TTC6: variants seen among roughly 807,000 people sequenced by gnomAD.
TTC6 encodes the protein tetratricopeptide repeat domain 6.
In TTC6, 172 loss-of-function variants were observed where a neutral mutation model predicts 210.4. The ratio of observed to expected loss-of-function variants is 0.82; its 90% CI spans 0.72 to 0.93. The LOEUF (loss-of-function observed/expected upper bound fraction) is 0.93, where lower values mean the gene tolerates loss of function less well. Among genes scored for constraint, TTC6 ranks in the 40% least tolerant of loss-of-function variants. The pLI is 0.00. For missense variants in TTC6, 2,414 were observed against 2,318.1 expected (o/e 1.04, Z -0.85); for synonymous variants, 804 against 819.6 (o/e 0.98, Z 0.32).
At chr14:37,807,278 C>A (rs779494343) in intron 22 of TTC6, 42 bp from the exon 25 acceptor site, 1 of 1,424,480 alleles carries the variant, frequency 7.0e-7, no homozygotes. Context: ...GGTGCTTTTA[C>A]TAAAGCATCC....
intron 14 of TTC6, among the ~76,000 whole-genome samples, chr14:37,754,866 A>G (rs992928529): frequency 2.0e-5 from 3 of 152,164 alleles, no homozygotes; most frequent in Non-Finnish European, 2.9e-5. Flanking sequence ...TGCAGTAAAC[A>G]TATGTGTGCA....
At chr14:37,684,540 A>T (rs2138573141) in intron 3 of TTC6, among the ~76,000 whole-genome samples, 1 of 152,298 alleles carries the variant, frequency 6.6e-6, no homozygotes. Context: ...AAGACTCTAA[A>T]TTGAAATGAG....
At chr14:37,606,547 C>T (rs1209607293) in intron 1 of TTC6, 116 bp from the exon 2 acceptor site, 1 of 163,500 alleles carries the variant, frequency 6.1e-6, no homozygotes, top group Admixed American at 6.5e-5. Context: ...CCTCCTTTTC[C>T]CCCGTTGCCC....
At chr14:37,777,770 GTTTTTT>G (rs71127243) in intron 14 of TTC6, among the ~76,000 whole-genome samples, 3 of 136,430 alleles carry the variant, frequency 2.2e-5, no homozygotes, top group Non-Finnish European at 3.1e-5. Flanking sequence ...CTTCGTGTAG[GTTTTTT>G]TTTTTTTTTT....
intron 1 of TTC6, among the ~76,000 whole-genome samples, chr14:37,601,920 C>G (rs1220275158): frequency 6.6e-6 from 1 of 152,254 alleles, no homozygotes; most frequent in Non-Finnish European, 1.5e-5. Flanking sequence ...CACGAATTTT[C>G]TGTCAGGCAA....
intron 2 of TTC6, among the ~76,000 whole-genome samples, chr14:37,614,126 C>A (rs2095638895): frequency 6.6e-6 from 1 of 152,174 alleles, no homozygotes; most frequent in South Asian, 2.1e-4. Flanking sequence ...AGCTACACCC[C>A]ACACATTCTG....
chr14:37,827,673 G>A (rs772598542), intron 29 of TTC6: 7 of 220,352 alleles, frequency 3.2e-5, no homozygotes, highest in Non-Finnish European at 5.3e-5. Context: ...TATTTAAAAT[G>A]TACGATTTGA....
At chr14:37,821,938 G>A (rs1031285799) in intron 26 of TTC6, among the ~76,000 whole-genome samples, 1 of 151,694 alleles carries the variant, frequency 6.6e-6, no homozygotes, top group African/African-American at 2.4e-5. Context: ...CTGCCACCAC[G>A]CTTTGCTAAT....
intron 1 of TTC6, among the ~76,000 whole-genome samples, chr14:37,647,095 T>C (rs1456647391): frequency 6.6e-6 from 1 of 152,188 alleles, no homozygotes; most frequent in Non-Finnish European, 1.5e-5. Flanking sequence ...TCTCACCCAC[T>C]GGCCAGAAAT....
At position 37,598,352 on chromosome 14, in the gene TTC6, G is replaced by A. The variant is rs1243202451; in HGVS notation, c.-235+2344G>A. Among the ~76,000 whole-genome samples, 1 of 152,164 alleles carries A rather than the reference G, an allele frequency of 6.6e-6. No homozygotes were observed. Among genetic ancestry groups the A allele is most frequent in the Non-Finnish European group, 1.5e-5 (1 of 68,026 alleles). On this transcript the variant is annotated intron_variant, in intron 1 of 2. Transcript: ENST00000556845. The surrounding 1 kb of genome is among the most constrained non-coding windows in gnomAD (Gnocchi z 4.9). ...GACAGCTTGGGGCGGTCCAGGTCGCGGGGAGGGCGGGCTCCTCAAGTGGGG... is the reference window on the plus strand; with the variant it reads ...GACAGCTTGGGGCGGTCCAGGTCGCAGGGAGGGCGGGCTCCTCAAGTGGGG...
At position 37,691,008 on chromosome 14, in the gene TTC6, C is replaced by T. The variant is rs1393889418; in HGVS notation, c.1258-5709C>T. On this transcript the variant is annotated intron_variant, in intron 3 of 30. Transcript: ENST00000553443. Reference sequence around the variant, plus strand: ...TCTTAAAACATTAAAAAAACCCCACCAATATTAAACATTTTCTCTGACCAC... The same window carrying T: ...TCTTAAAACATTAAAAAAACCCCACTAATATTAAACATTTTCTCTGACCAC... Among the ~76,000 whole-genome samples the T allele has an allele frequency of 2.6e-5, 4 of 151,990 alleles. No individual in the cohort carries two copies. The East Asian group carries it at 7.7e-4, about 29-fold the overall frequency.
chr14:37,601,020 A>G (rs2095614658), intron 1 of TTC6, among the ~76,000 whole-genome samples: 1 of 152,242 alleles, frequency 6.6e-6, no homozygotes. Context: ...TTGCTGGGTT[A>G]CTAGCAAGAT....
exon 10 of TTC6, chr14:37,738,776 C>G (rs1444852286): frequency 2.1e-6 from 3 of 1,463,006 alleles, no homozygotes; most frequent in Non-Finnish European, 2.7e-6. Flanking sequence ...GCTTACTAAG[C>G]GAGTAAAATC....
At chr14:37,691,387 C>T (rs553741524) in intron 3 of TTC6, among the ~76,000 whole-genome samples, 1 of 152,092 alleles carries the variant, frequency 6.6e-6, no homozygotes, top group East Asian at 1.9e-4. Context: ...AAATCAGTAA[C>T]AAGAATAATT....
rs150322860 is a variant in TTC6 at position 37,643,015 on chromosome 14, T to A, written c.939+20012T>A. Among the ~76,000 whole-genome samples, 544 of 152,254 alleles carry A rather than the reference T, an allele frequency of 3.6e-3. 4 individuals are homozygous for A. The highest frequency in any genetic ancestry group is 0.013 in the African/African-American group (524 of 41,564). ...GTGGCACACAAAATGACATTTGAAA[T>A]CTCATTATCTGGCCGGGTGTGGTGG... On this transcript the variant is annotated intron_variant, in intron 1 of 30. Transcript: ENST00000553443.
chr14:37,719,831 A>G (rs2138794196), intron 6 of TTC6, among the ~76,000 whole-genome samples: 1 of 152,228 alleles, frequency 6.6e-6, no homozygotes, highest in South Asian at 2.1e-4. Flanking sequence ...TATTTGTAAA[A>G]GGAAAAATAG....
intron 23 of TTC6, 57 bp from the exon 26 acceptor site, chr14:37,808,676 T>G: frequency 1.2e-6 from 1 of 863,334 alleles, no homozygotes; most frequent in Non-Finnish European, 1.8e-6. Flanking sequence ...TATTTTATGA[T>G]TAAATTTCAG....
chr14:37,825,662 A>G (rs926764553), intron 27 of TTC6, among the ~76,000 whole-genome samples: 4 of 152,106 alleles, frequency 2.6e-5, no homozygotes, highest in Admixed American at 6.6e-5. Context: ...GTAGATTTGC[A>G]TGTATTTTCC....
intron 2 of TTC6, among the ~76,000 whole-genome samples, chr14:37,615,029 G>A (rs1170876614): frequency 2.0e-5 from 3 of 152,168 alleles, no homozygotes; most frequent in Non-Finnish European, 4.4e-5. Flanking sequence ...TTACAGGCAT[G>A]AGCCACTGCA....
Sources: gnomAD v4.1 joint callset for allele counts (sites outside exome capture counted in the v4.1 genomes callset) on GRCh38, gnomAD v4.1.1 for gene constraint, Gnocchi (gnomAD v3.1) non-coding constraint, MANE v1.5 for transcripts, NCBI Gene and HGNC (gene_info 2026-07-23, HGNC 2026-07-21) for gene names.